FBN1: variants seen among roughly 807,000 people sequenced by gnomAD.
FBN1 encodes the protein fibrillin-1.
Under a neutral mutation model 365.1 loss-of-function variants are expected in FBN1, and 29 were observed. The ratio of observed to expected loss-of-function variants is 0.08; its 90% confidence interval spans 0.06 to 0.11. The LOEUF (loss-of-function observed/expected upper bound fraction) is 0.11, where lower values mean the gene tolerates loss of function less well. Ranked by LOEUF, FBN1 falls within the 10% of genes least tolerant of loss-of-function variation. The pLI is 1.00. For missense variants in FBN1, 2,476 were observed against 3,703.2 expected (o/e 0.67, Z 8.60); for synonymous variants, 1,210 against 1,270.5 (o/e 0.95, Z 1.01).
intron 7 of FBN1, among the ~76,000 whole-genome samples, chr15:48,534,953 G>A (rs1597592239): frequency 1.3e-5 from 2 of 152,120 alleles, no homozygotes; most frequent in East Asian, 3.9e-4. Context: ...ACTATGTCCT[G>A]GGGAGTTCGA....
intron 52 of FBN1, 61 bp from the exon 53 acceptor site, chr15:48,437,138 A>C: frequency 7.9e-7 from 1 of 1,272,318 alleles, no homozygotes; most frequent in Non-Finnish European, 1.2e-6. Context: ...AAGATAAATT[A>C]TGATCATTTC....
intron 9 of FBN1, among the ~76,000 whole-genome samples, chr15:48,525,509 G>A (rs1361672081): frequency 1.3e-5 from 2 of 152,136 alleles, no homozygotes; most frequent in Non-Finnish European, 2.9e-5. Context: ...AGTGTGGGGG[G>A]ACAAGAGCCC....
intron 36 of FBN1, 33 bp downstream of exon 36, chr15:48,470,600 AG>A (rs776340204): frequency 4.3e-6 from 7 of 1,613,094 alleles, no homozygotes; most frequent in Non-Finnish European, 5.9e-6. Context: ...CCGGGACACC[AG>A]GGAGCTGATT....
At chr15:48,471,214 T>A (rs1472420874) in intron 35 of FBN1, among the ~76,000 whole-genome samples, 1 of 152,182 alleles carries the variant, frequency 6.6e-6, no homozygotes, top group East Asian at 1.9e-4. Flanking sequence ...ATGGCATGTG[T>A]TTGCCTTTGT....
intron 29 of FBN1, among the ~76,000 whole-genome samples, chr15:48,486,171 A>G (rs958946686): frequency 1.3e-5 from 2 of 152,230 alleles, no homozygotes; most frequent in Admixed American, 1.3e-4. Context: ...CTCAGTTATG[A>G]TAATAGGCAC....
rs3833018 is a variant in FBN1 at position 48,463,253 on chromosome 15, TAA to T, written c.5066-15_5066-14del. 3 of 1,609,794 alleles carry T rather than the reference TAA, an allele frequency of 1.9e-6. No individual in the cohort carries two copies. Among genetic ancestry groups the T allele is most frequent in the Non-Finnish European group, 2.5e-6 (3 of 1,177,040 alleles). ...CTTCTTCTCATATCTAGAAGGGAGG[TAA>T]AAAAAAGGATTGGAGGGTTGGTGAT... On this transcript the variant is annotated splice_polypyrimidine_tract_variant and intron_variant, in intron 41 of 65. Transcript: ENST00000316623.
intron 4 of FBN1, 52 bp from the exon 5 acceptor site, chr15:48,600,286 C>T: frequency 7.9e-7 from 1 of 1,263,534 alleles, no homozygotes; most frequent in Non-Finnish European, 1.2e-6. Flanking sequence ...GCATAGATTG[C>T]AACAGCTCAC....
chr15:48,535,116 A>G (rs183849730), intron 7 of FBN1, among the ~76,000 whole-genome samples: 1 of 152,262 alleles, frequency 6.6e-6, no homozygotes, highest in East Asian at 1.9e-4. Flanking sequence ...TGCATGGCCC[A>G]CGATGTCTCA....
intron 32 of FBN1, among the ~76,000 whole-genome samples, chr15:48,477,116 T>C (rs544270429): frequency 6.6e-6 from 1 of 152,352 alleles, no homozygotes; most frequent in African/African-American, 2.4e-5. Flanking sequence ...AGTTTTCTAA[T>C]GACCAGAGGT....
intron 13 of FBN1, among the ~76,000 whole-genome samples, chr15:48,512,229 T>C (rs1368394032): frequency 6.6e-6 from 1 of 152,232 alleles, no homozygotes. Flanking sequence ...TGTCTTCAAC[T>C]CATGAAGAGC....
intron 32 of FBN1, among the ~76,000 whole-genome samples, chr15:48,477,905 G>C (rs904909032): frequency 6.6e-6 from 1 of 152,170 alleles, no homozygotes; most frequent in Non-Finnish European, 1.5e-5. Context: ...GAAGGGCAAG[G>C]GTGTGGTGTG....
At position 48,515,380 on chromosome 15, in the gene FBN1, C is replaced by G; in HGVS notation, c.1468+7G>C. On this transcript the variant is annotated splice_region_variant and intron_variant, in intron 12 of 65. Transcript: ENST00000316623. ...CCCTTGGTGCCAACCTAGGATGGATCACGTACCAATACACTCCCCACGGAG... is the reference window on the plus strand; with the variant it reads ...CCCTTGGTGCCAACCTAGGATGGATGACGTACCAATACACTCCCCACGGAG... The G allele has an allele frequency of 6.2e-7, 1 of 1,613,868 alleles. No homozygotes were observed. The highest frequency in any genetic ancestry group is 1.3e-5 in the African/African-American group (1 of 75,014).
chr15:48,607,293 G>C (rs1328216998), intron 4 of FBN1, among the ~76,000 whole-genome samples: 3 of 149,260 alleles, frequency 2.0e-5, no homozygotes, highest in Non-Finnish European at 4.4e-5. Context: ...ATAAACTATA[G>C]GAAACAACTT....
At chr15:48,614,643 C>T (rs1170590487) in intron 2 of FBN1, among the ~76,000 whole-genome samples, 1 of 152,144 alleles carries the variant, frequency 6.6e-6, no homozygotes, top group African/African-American at 2.4e-5. Context: ...TACCCAGCAG[C>T]CCAGGCCTTC....
intron 6 of FBN1, among the ~76,000 whole-genome samples, chr15:48,580,082 C>T (rs1177487567): frequency 6.6e-6 from 1 of 152,128 alleles, no homozygotes; most frequent in Non-Finnish European, 1.5e-5. Flanking sequence ...TGGTATTTCT[C>T]AATCCAGCCT....
intron 2 of FBN1, among the ~76,000 whole-genome samples, chr15:48,622,037 A>G (rs1889780066): frequency 6.6e-6 from 1 of 152,162 alleles, no homozygotes; most frequent in Admixed American, 6.5e-5. Context: ...ATTAATTACA[A>G]AAAATATACC....
chr15:48,446,390 A>T (rs2043159073), intron 47 of FBN1, among the ~76,000 whole-genome samples: 1 of 152,166 alleles, frequency 6.6e-6, no homozygotes, highest in African/African-American at 2.4e-5. Context: ...ATGTTAATCT[A>T]TTACCATGCC....
In FBN1 at chr15:48,434,657, T is replaced by C. The variant is rs1350417093; in HGVS notation, c.6553A>G (p.Ile2185Val). 2 of 1,613,580 alleles carry C rather than the reference T, an allele frequency of 1.2e-6. No individual in the cohort carries two copies. Among genetic ancestry groups the C allele is most frequent in the Non-Finnish European group, 1.7e-6 (2 of 1,179,694 alleles). The part of the protein sequence containing the change: ...PCGNGTCKNV[I>V]GGFECTCEEG... ...TCGCAGGTGCATTCAAAACCTCCAATCACATTCTTGCAGGTTCCATTTCCA... is the reference window on the plus strand; with the variant it reads ...TCGCAGGTGCATTCAAAACCTCCAACCACATTCTTGCAGGTTCCATTTCCA... The change falls in exon 54 of 66, where the codon ATT becomes GTT. Residue 2185 changes from isoleucine to valine, a missense_variant. Transcript: ENST00000316623.
At chr15:48,545,957 G>A (rs2044090535) in intron 6 of FBN1, among the ~76,000 whole-genome samples, 1 of 152,098 alleles carries the variant, frequency 6.6e-6, no homozygotes. Context: ...GTAGTGAGCC[G>A]CGATCACACC....
Sources: gnomAD v4.1 joint callset for allele counts (sites outside exome capture counted in the v4.1 genomes callset) on GRCh38, gnomAD v4.1.1 for gene constraint, MANE v1.5 for transcripts, NCBI Gene and HGNC (gene_info 2026-07-23, HGNC 2026-07-21) for gene names.